Variants in LYRM4 observed in about 807,000 individuals in gnomAD.
The protein encoded by LYRM4 is LYR motif containing 4, also known as LYR motif-containing protein 4.
LYRM4 carries 9 observed loss-of-function variants against 11.7 expected under a neutral mutation model. The ratio of observed to expected loss-of-function variants is 0.77; its 90% CI spans 0.46 to 1.34. The LOEUF (loss-of-function observed/expected upper bound fraction) is 1.34. Ranked by LOEUF, LYRM4 falls within the 40% of genes most tolerant of loss-of-function variation. The probability of loss-of-function intolerance (pLI) is 0.00; values close to 1 mark genes in which losing one functional copy is unlikely to be tolerated. For synonymous variants in LYRM4, 42 were observed against 40.4 expected, an observed-to-expected ratio of 1.04 and a Z score of -0.15; for missense variants, 133 against 112.5, an observed-to-expected ratio of 1.18 and a Z score of -0.82.
chr6:5,065,153 A>G, the LYRM4 span, among the ~76,000 whole-genome samples: 2 of 152,140 alleles, frequency 1.3e-5, no homozygotes, highest in South Asian at 2.1e-4. Context: ...CACTTAAGTC[A>G]TATGCACTTC....
At chr6:5,252,384 G>A (rs912638790) in intron 1 of LYRM4, among the ~76,000 whole-genome samples, 44 of 152,074 alleles carry the variant, frequency 2.9e-4, no homozygotes, top group African/African-American at 9.9e-4. Context: ...AACCTATTTC[G>A]TTACTTACTG....
At chr6:5,220,060 T>C (rs1400714580) in intron 1 of LYRM4, among the ~76,000 whole-genome samples, 4 of 152,224 alleles carry the variant, frequency 2.6e-5, no homozygotes, top group Non-Finnish European at 5.9e-5. Flanking sequence ...CCCATTTGGC[T>C]TTCCTTCTCC....
chr6:5,144,119 A>G, intron 2 of LYRM4: 1 of 1,535,994 alleles, frequency 6.5e-7, no homozygotes, highest in Non-Finnish European at 8.7e-7. Flanking sequence ...TGATGTGACC[A>G]CATAGTCAGA....
Position 5,183,624 on chromosome 6 carries a change from C to G in LYRM4, c.207+32994G>C, listed in dbSNP as rs144372700. ...GAATTTCACATCAAACCTCAGTTCTCTCTCTATTCCCACACCCCTCTTCTC... is the reference window on the plus strand; with the variant it reads ...GAATTTCACATCAAACCTCAGTTCTGTCTCTATTCCCACACCCCTCTTCTC... On this transcript the variant is annotated intron_variant, in intron 2 of 2. Coordinates refer to ENST00000330636, the MANE Select transcript of LYRM4 (RefSeq NM_020408.6). 6.3e-4 allele frequency among the ~76,000 whole-genome samples: 96 copies of G among 152,298 alleles called. 2 individuals are homozygous for G. The highest frequency in any genetic ancestry group is 2.3e-3 in the African/African-American group (94 of 41,576).
the LYRM4 span, among the ~76,000 whole-genome samples, chr6:5,036,449 C>A: frequency 6.6e-6 from 1 of 152,158 alleles, no homozygotes; most frequent in African/African-American, 2.4e-5. Context: ...AGATGCAACA[C>A]CAGCTGCCTC....
intron 1 of LYRM4, among the ~76,000 whole-genome samples, chr6:5,227,667 A>G (rs11242998): frequency 0.049 from 7,467 of 152,276 alleles, 601 homozygotes; most frequent in African/African-American, 0.16. Context: ...TCATTCTACT[A>G]TAAAGACACA....
intron 2 of LYRM4, among the ~76,000 whole-genome samples, chr6:5,160,339 A>G (rs1003831021): frequency 6.6e-6 from 1 of 152,080 alleles, no homozygotes; most frequent in Non-Finnish European, 1.5e-5. Flanking sequence ...TGCATCAGGC[A>G]TGGGTCTCAA....
chr6:5,139,574 T>G (rs892514397), intron 2 of LYRM4, among the ~76,000 whole-genome samples: 3 of 152,214 alleles, frequency 2.0e-5, no homozygotes, highest in Admixed American at 2.0e-4. Context: ...CTTTACATAT[T>G]TTAAAGGTTT....
intron 2 of LYRM4, among the ~76,000 whole-genome samples, chr6:5,181,806 C>T (rs1223712679): frequency 6.6e-6 from 1 of 152,238 alleles, no homozygotes; most frequent in African/African-American, 2.4e-5. Context: ...AGCTTCACCT[C>T]TTACCAGATG....
chr6:5,194,680 A>G (rs748863898), intron 2 of LYRM4, among the ~76,000 whole-genome samples: 1 of 152,232 alleles, frequency 6.6e-6, no homozygotes, highest in Non-Finnish European at 1.5e-5. Flanking sequence ...AAAATTATCC[A>G]TAAATGGCTA....
intron 2 of LYRM4, among the ~76,000 whole-genome samples, chr6:5,151,913 C>G (rs1341749763): frequency 6.6e-6 from 1 of 152,158 alleles, no homozygotes; most frequent in East Asian, 1.9e-4. Context: ...ATTTTGCTTT[C>G]TGGGAGAATC....
At chr6:5,245,540 GAAGAC>G (rs1764159109) in intron 1 of LYRM4, among the ~76,000 whole-genome samples, 1 of 152,136 alleles carries the variant, frequency 6.6e-6, no homozygotes, top group African/African-American at 2.4e-5. Flanking sequence ...ACGGTGTCTG[GAAGAC>G]AAGAGAGGGG....
At chr6:5,072,852 A>G in the LYRM4 span, among the ~76,000 whole-genome samples, 1 of 152,188 alleles carries the variant, frequency 6.6e-6, no homozygotes, top group Non-Finnish European at 1.5e-5. Context: ...GACTTCTTTT[A>G]GAAAAAGTTC....
At position 5,109,328 on chromosome 6, in the gene LYRM4, G is replaced by C; in HGVS notation, c.*95C>G. On this transcript the variant is annotated 3_prime_UTR_variant, in exon 3 of 3. Coordinates refer to ENST00000330636, the MANE Select transcript of LYRM4 (RefSeq NM_020408.6). The stretch of plus-strand genomic sequence containing the variant: ...TCCCACAGGACAGGCAGCGCAAAAG[G>C]CTATTGTAAGCTGGTTTTGGGAGCC... 1.3e-6 allele frequency: 2 copies of C among 1,592,830 alleles called. No homozygotes were observed. The highest frequency in any genetic ancestry group is 1.7e-6 in the Non-Finnish European group (2 of 1,164,862).
At chr6:5,064,751 A>C in the LYRM4 span, among the ~76,000 whole-genome samples, 1 of 152,166 alleles carries the variant, frequency 6.6e-6, no homozygotes, top group African/African-American at 2.4e-5. Context: ...TTTATGGGGT[A>C]CAGTGTGGTA....
At chr6:5,122,535 T>C (rs1763504423) in intron 2 of LYRM4, among the ~76,000 whole-genome samples, 1 of 152,230 alleles carries the variant, frequency 6.6e-6, no homozygotes, top group African/African-American at 2.4e-5. Flanking sequence ...CAGGGGAGTC[T>C]GATGCTTTTT....
chr6:5,079,855 G>A, the LYRM4 span, among the ~76,000 whole-genome samples: 1 of 152,222 alleles, frequency 6.6e-6, no homozygotes, highest in African/African-American at 2.4e-5. Context: ...TCACAAGGAA[G>A]CAGAATTTTT....
At chr6:5,109,543 G>C in intron 2 of LYRM4, 52 bp from the exon 3 acceptor site, 1 of 1,538,052 alleles carries the variant, frequency 6.5e-7, no homozygotes, top group Non-Finnish European at 9.0e-7. Flanking sequence ...CTAGCCCCTG[G>C]GAAAGGCCAG....
chr6:5,235,173 C>T (rs566493038), intron 1 of LYRM4, among the ~76,000 whole-genome samples: 2 of 152,202 alleles, frequency 1.3e-5, no homozygotes, highest in South Asian at 4.1e-4. Context: ...GACGGACTCT[C>T]GTTCTGTTGC....
Sources: allele counts gnomAD v4.1 joint callset (sites outside exome capture counted in the v4.1 genomes callset), GRCh38; gene constraint gnomAD v4.1.1; transcripts MANE v1.5; gene names NCBI Gene and HGNC (gene_info 2026-07-23, HGNC 2026-07-21).